The following DCTN2 variants were observed in gnomAD, a reference collection of about 807,000 sequenced individuals.
The protein encoded by DCTN2 is dynactin subunit 2, also known as 50 kDa dynein-associated polypeptide.
Under a neutral mutation model 55.4 loss-of-function variants are expected in DCTN2, and 18 were observed. The ratio of observed to expected loss-of-function variants is 0.32; its 90% confidence interval spans 0.22 to 0.48. The LOEUF is 0.48. DCTN2 is among the 20% of genes least tolerant of loss of function. The pLI is 0.99. For synonymous variants in DCTN2, 168 were observed against 185.2 expected (o/e 0.91, Z 0.76); for missense variants, 390 against 491.0 (o/e 0.79, Z 1.94).
chr12:57,532,304 T>C lies in DCTN2; in HGVS notation c.936A>G (p.Leu312=), dbSNP rs770330975. 1.3e-6 allele frequency: 2 copies of C among 1,559,554 alleles called. No individual in the cohort carries two copies. Among genetic ancestry groups the C allele is most frequent in the East Asian group, 2.4e-5 (1 of 41,626 alleles). ...GGCTCCAGCGCTGTATAGTTTCATA[T>C]AGCTGGTGCACCTGAAGGGACACAA... is the stretch of plus-strand genomic sequence containing the variant. ...DADTQSKVHQ[L]YETIQRWSPI... is the part of the protein sequence containing the mutation. Residue 312 remains leucine, a synonymous_variant, in exon 12 of 14, where the codon CTA becomes CTG. Transcript: ENST00000548249.
rs1344596836 is a variant in DCTN2, at chr12:57,533,841, G to A, written c.669+112C>T. 9.1e-6 allele frequency: 10 copies of A among 1,094,628 alleles called. No individual in the cohort carries two copies. The South Asian group carries it at 1.0e-4, about 11-fold the overall frequency. The allele number at this position is 1,094,628 out of a possible 1,614,324, so 67.8% of individuals were successfully genotyped here. ...AATCAAAAGAGGAATCAATCAAGAG[G>A]AATCAGAGGAATCAGAAGCCTTCCC... On this transcript the variant is annotated intron_variant, in intron 7 of 13. Transcript: ENST00000548249.
Position 57,535,118 on chromosome 12 carries a change from G to A in DCTN2, c.301C>T (p.Gln101Ter). The A allele has an allele frequency of 6.2e-7, 1 of 1,613,850 alleles. No individual in the cohort carries two copies. The highest frequency in any genetic ancestry group is 8.5e-7 in the Non-Finnish European group (1 of 1,179,856). The change falls in exon 5 of 14, where the codon CAA (glutamine) becomes TAA (stop). Residue 101 changes from glutamine to a stop codon, truncating the protein, a stop_gained. Transcript: ENST00000548249. LOFTEE classifies it high-confidence loss of function. ...EGLGVKETPQ[Q>*]KYQRLLHEVQ... is the part of the protein sequence containing the mutation. ...TCATGCAGTAGGCGCTGGTACTTTT[G>A]CTGGGGTGTCTCCTTCACTCCCAGA...
In DCTN2 at chr12:57,545,070, C is replaced by T. The variant is rs78067419; in HGVS notation, c.105+958G>A. 2.1e-3 allele frequency among the ~76,000 whole-genome samples: 320 copies of T among 152,298 alleles called. 1 individual carries two copies. Among genetic ancestry groups the T allele is most frequent in the Admixed American group, 4.3e-3 (66 of 15,302 alleles). ...ACATTGTAAGCCAGCAGTCAGCATT[C>T]CCCAGAATTAACCAGCCCCACAGAC... On this transcript the variant is annotated intron_variant, in intron 2 of 13. Coordinates refer to ENST00000548249, the MANE Select transcript of DCTN2 (RefSeq NM_001261413.2).
intron 1 of DCTN2, 92 bp downstream of exon 1, chr12:57,546,936 C>T: frequency 1.9e-6 from 2 of 1,062,184 alleles, no homozygotes; most frequent in Non-Finnish European, 2.4e-6. Flanking sequence ...GGATGGGCTG[C>T]AGGCGGGAGG....
chr12:57,532,945 C>G (rs1212715270), intron 9 of DCTN2, 39 bp downstream of exon 9: 8 of 1,597,826 alleles, frequency 5.0e-6, no homozygotes, highest in Non-Finnish European at 6.8e-6. Context: ...CCAACTATCC[C>G]CTCTGTGATC....
In DCTN2 at chr12:57,534,005, G is replaced by A; in HGVS notation, c.617C>T (p.Thr206Ile). The change falls in exon 7 of 14, where the codon ACT (threonine) becomes ATT (isoleucine). Residue 206 changes from threonine (T) to isoleucine (I), a missense_variant. Coordinates refer to ENST00000548249, the MANE Select transcript of DCTN2 (RefSeq NM_001261413.2). ...TGTPPDSSLV[T>I]YELHSRPEQD... ...CTCAGGCCGAGAATGTAGTTCATAA[G>A]TGACAAGGCTGCTATCTGGGGGGGT... is the stretch of plus-strand genomic sequence containing the variant. 1 of 1,613,698 alleles carries A rather than the reference G, an allele frequency of 6.2e-7. No individual in the cohort carries two copies. Among genetic ancestry groups the A allele is most frequent in the Non-Finnish European group, 8.5e-7 (1 of 1,179,772 alleles).
At chr12:57,540,010 C>T (rs1880566817) in intron 2 of DCTN2, 6 of 825,754 alleles carry the variant, frequency 7.3e-6, no homozygotes, top group Non-Finnish European at 7.3e-6. Context: ...TGAGATCATG[C>T]CACTGCACTC....
chr12:57,532,875 A>G (rs939644012), intron 9 of DCTN2, 65 bp from the exon 10 acceptor site: 5 of 1,601,026 alleles, frequency 3.1e-6, no homozygotes, highest in Admixed American at 1.7e-5. Flanking sequence ...GGCCTCCCAT[A>G]TTCCACTAAA....
chr12:57,545,954 C>G, intron 2 of DCTN2, 74 bp downstream of exon 2: 28 of 1,515,348 alleles, frequency 1.8e-5, no homozygotes, highest in Non-Finnish European at 2.6e-5. Flanking sequence ...TGTAGCTCCC[C>G]CGAGAAAGGG....
chr12:57,541,119 C>T (rs1880656435), intron 2 of DCTN2, among the ~76,000 whole-genome samples: 1 of 152,218 alleles, frequency 6.6e-6, no homozygotes, highest in South Asian at 2.1e-4. Context: ...CTATCCCATC[C>T]TCCACTGGAC....
chr12:57,535,904 T>A, intron 2 of DCTN2, 59 bp from the exon 3 acceptor site: 1 of 1,347,568 alleles, frequency 7.4e-7, no homozygotes, highest in Non-Finnish European at 1.0e-6. Context: ...GAACTTACTC[T>A]ACCCCACAAA....
At chr12:57,546,878 G>T in intron 1 of DCTN2, 150 bp downstream of exon 1, 1 of 635,168 alleles carries the variant, frequency 1.6e-6, no homozygotes, top group Non-Finnish European at 2.3e-6. Context: ...AGAGTTCGGG[G>T]GGTGCTGAGG....
At chr12:57,540,359 A>T (rs1282518108) in intron 2 of DCTN2, among the ~76,000 whole-genome samples, 1 of 152,248 alleles carries the variant, frequency 6.6e-6, no homozygotes. Flanking sequence ...GTTTGCAGAT[A>T]GTATATACCA....
intron 2 of DCTN2, among the ~76,000 whole-genome samples, chr12:57,537,015 G>A (rs1022310982): frequency 2.7e-5 from 4 of 150,784 alleles, no homozygotes; most frequent in Admixed American, 2.0e-4. Flanking sequence ...ATAGACAGCC[G>A]GGCAATGGTG....
intron 4 of DCTN2, 107 bp downstream of exon 4, chr12:57,535,377 C>T: frequency 7.1e-7 from 1 of 1,414,956 alleles, no homozygotes; most frequent in African/African-American, 1.4e-5. Context: ...TCCTCAGGAA[C>T]AGAGGAGGAA....
intron 7 of DCTN2, among the ~76,000 whole-genome samples, chr12:57,533,576 T>C (rs754110905): frequency 8.5e-4 from 129 of 151,984 alleles, no homozygotes; most frequent in Non-Finnish European, 1.7e-3. Context: ...TCGAGACCAT[T>C]CTGGCTAACA....
intron 2 of DCTN2, among the ~76,000 whole-genome samples, chr12:57,543,531 C>T (rs1880886519): frequency 6.6e-6 from 1 of 152,128 alleles, no homozygotes; most frequent in Admixed American, 6.6e-5. Flanking sequence ...CAATTCACTG[C>T]TCCTCAAATT....
intron 2 of DCTN2, chr12:57,543,255 A>C (rs997755696): frequency 5.8e-6 from 2 of 344,012 alleles, no homozygotes; most frequent in African/African-American, 4.3e-5. Context: ...AGGCTAAGGC[A>C]GGAGAATGGC....
In DCTN2 at chr12:57,547,075, G is replaced by A. The variant is rs1189999362; in HGVS notation, c.-12C>T. ...TTAGGGTCCGCCATGGCGGCGGCGA[G>A]ACGGGCTGGGGGACCCGGGCCTCGG... On this transcript the variant is annotated 5_prime_UTR_variant, in exon 1 of 14. Transcript: ENST00000548249. The A allele has an allele frequency of 1.0e-5, 13 of 1,268,382 alleles. No homozygotes were observed. Among genetic ancestry groups the A allele is most frequent in the Non-Finnish European group, 1.1e-5 (11 of 999,210 alleles). 78.6% of individuals were successfully genotyped at this position (1,268,382 alleles called of 1,614,324 possible). A position where few individuals can be genotyped will look rare whatever the true frequency, so the allele number is the denominator to read the frequency against.
Sources: gnomAD v4.1 joint callset for allele counts (sites outside exome capture counted in the v4.1 genomes callset) on GRCh38, gnomAD v4.1.1 for gene constraint, MANE v1.5 for transcripts, NCBI Gene and HGNC (gene_info 2026-07-23, HGNC 2026-07-21) for gene names.